MYH14: variants seen among roughly 807,000 people sequenced by gnomAD.
The protein encoded by MYH14 is myosin-14.
Under a neutral mutation model 255.5 loss-of-function variants are expected in MYH14, and 123 were observed. The ratio of observed to expected loss-of-function variants is 0.48; its 90% CI spans 0.42 to 0.56. MYH14 has a LOEUF of 0.56. Among genes scored for constraint, MYH14 ranks in the 20% least tolerant of loss-of-function variants. The pLI is 0.00. For missense variants in MYH14, 2,423 were observed against 2,802.3 expected (o/e 0.86, Z 3.06); for synonymous variants, 1,095 against 1,161.2 (o/e 0.94, Z 1.16).
At position 50,262,324 on chromosome 19, in the gene MYH14, A is replaced by G. The variant is rs2034913603; in HGVS notation, c.2585+689A>G. On this transcript the variant is annotated intron_variant, in intron 21 of 42. Transcript: ENST00000642316. The stretch of plus-strand genomic sequence containing the variant: ...TGTAATCCCAGCACATTGGGAGGCC[A>G]AGGCGGGCGGATCACTTGAGGTCAG... Among the ~76,000 whole-genome samples, 7 of 152,164 alleles carry G rather than the reference A, an allele frequency of 4.6e-5. No individual in the cohort carries two copies. In the South Asian group the frequency reaches 1.2e-3, roughly 27 times the overall value.
intron 10 of MYH14, among the ~76,000 whole-genome samples, chr19:50,237,418 C>T (rs570460798): frequency 2.0e-4 from 30 of 152,176 alleles, no homozygotes; most frequent in African/African-American, 5.5e-4. Context: ...TTCCACCTCC[C>T]GGGTTCAAAC....
chr19:50,310,119 G>T lies in MYH14; in HGVS notation c.*329G>T. The T allele has an allele frequency of 2.6e-6, 1 of 390,010 alleles. No homozygotes were observed. The highest frequency in any genetic ancestry group is 3.0e-5 in the South Asian group (1 of 32,984). 24.2% of individuals were successfully genotyped at this position (390,010 alleles called of 1,614,324 possible). ...TATTGATCTATAGACATTAGGAAGG[G>T]AGTGAGACGGCTCCTCCACCATCCT... On this transcript the variant is annotated 3_prime_UTR_variant, in exon 43 of 43. Transcript: ENST00000642316.
intron 2 of MYH14, among the ~76,000 whole-genome samples, chr19:50,211,787 T>C (rs895162255): frequency 6.7e-6 from 1 of 149,632 alleles, no homozygotes; most frequent in Non-Finnish European, 1.5e-5. Flanking sequence ...TTCGGGACCA[T>C]CCTGGGCATG....
chr19:50,273,768 A>C (rs1281492473), intron 27 of MYH14, among the ~76,000 whole-genome samples: 2 of 152,026 alleles, frequency 1.3e-5, no homozygotes, highest in African/African-American at 4.8e-5. Context: ...CAGCCTCCCA[A>C]GTAGCTGGGA....
intron 39 of MYH14, among the ~76,000 whole-genome samples, chr19:50,299,016 A>G (rs910558524): frequency 1.3e-5 from 2 of 151,582 alleles, no homozygotes; most frequent in South Asian, 2.1e-4. Flanking sequence ...GCTTGAGCCC[A>G]GGAGTTTGAT....
chr19:50,296,473 C>T (rs1003988019), intron 39 of MYH14, among the ~76,000 whole-genome samples: 5 of 151,968 alleles, frequency 3.3e-5, no homozygotes, highest in African/African-American at 7.3e-5. Context: ...GGTGCGATGG[C>T]GGGCACGCCT....
chr19:50,270,297 T>C (rs905564042), intron 24 of MYH14, among the ~76,000 whole-genome samples: 6 of 152,090 alleles, frequency 3.9e-5, no homozygotes, highest in Non-Finnish European at 7.4e-5. Flanking sequence ...GGTTGGTGGA[T>C]CACCTGAAGT....
Position 50,257,469 on chromosome 19 carries a change from C to T in MYH14, c.2215C>T (p.Pro739Ser). Residue 739 changes from proline (P) to serine (S), a missense_variant, in exon 18 of 43, where the codon CCC becomes TCC. Pro to Ser is a moderately conservative substitution (Grantham distance 74). Around this residue, in one of 3 missense-constraint regions of MYH14, gnomAD observed 672 missense variants for 881.8 expected, o/e 0.76. Transcript: ENST00000642316. ...TNPSFVRCIV[P>S]NHEKRAGKLE... ...CCCCAGTTTTGTCCGCTGCATTGTC[C>T]CCAACCACGAGAAGAGGGTGAGTGA... 1 of 1,603,236 alleles carries T rather than the reference C, an allele frequency of 6.2e-7. No homozygotes were observed. The highest frequency in any genetic ancestry group is 8.5e-7 in the Non-Finnish European group (1 of 1,174,606).
At position 50,236,566 on chromosome 19, in the gene MYH14, G is replaced by C. The variant is rs192289093; in HGVS notation, c.1114+4496G>C. 6.8e-4 allele frequency among the ~76,000 whole-genome samples: 103 copies of C among 151,982 alleles called. 1 individual carries two copies. Among genetic ancestry groups the C allele is most frequent in the Non-Finnish European group, 3.7e-4 (25 of 67,984 alleles). ...CTACTAAAAATACAAAAATTAGCTGGGCGTGGTGGCACATGCCTGTAATCC... is the reference window on the plus strand; with the variant it reads ...CTACTAAAAATACAAAAATTAGCTGCGCGTGGTGGCACATGCCTGTAATCC... On this transcript the variant is annotated intron_variant, in intron 10 of 42. Coordinates refer to ENST00000642316, the MANE Select transcript of MYH14 (RefSeq NM_001145809.2).
rs2123306669 is a variant in MYH14, at chr19:50,249,805, C to T, written c.1638C>T (p.Ile546=). The part of the protein sequence containing the change: ...LDFGLDLQPC[I]DLIERPANPP... ...TTGGCCTCGACCTGCAGCCCTGCAT[C>T]GACCTCATCGAGCGGCCGGTGAGCC... is the stretch of plus-strand genomic sequence containing the variant. Residue 546 remains isoleucine (I), a synonymous_variant, in exon 14 of 43, where the codon ATC becomes ATT. Transcript: ENST00000642316. The T allele has an allele frequency of 3.7e-6, 6 of 1,614,208 alleles. No homozygotes were observed. Among genetic ancestry groups the T allele is most frequent in the East Asian group, 2.2e-5 (1 of 44,882 alleles).
chr19:50,242,246 G>A (rs1324398951), intron 10 of MYH14, among the ~76,000 whole-genome samples: 1 of 152,106 alleles, frequency 6.6e-6, no homozygotes, highest in Non-Finnish European at 1.5e-5. Flanking sequence ...CAGCCTACTC[G>A]CCAAATCTAT....
chr19:50,255,102 C>A (rs2034542722), intron 16 of MYH14, 118 bp from the exon 17 acceptor site: 4 of 705,960 alleles, frequency 5.7e-6, no homozygotes, highest in East Asian at 2.7e-5. Context: ...TGACTAATAA[C>A]CCTCTCCTCT....
chr19:50,281,855 A>C lies in MYH14; in HGVS notation c.4539+13A>C, dbSNP rs757625665. 1 of 1,605,140 alleles carries C rather than the reference A, an allele frequency of 6.2e-7. No homozygotes were observed. ...CAAGTTTGACCAGGTGGGGCACCTCAGTTCACCCAGCCGGGGAATCAGCAA... is the reference window on the plus strand; with the variant it reads ...CAAGTTTGACCAGGTGGGGCACCTCCGTTCACCCAGCCGGGGAATCAGCAA... On this transcript the variant is annotated intron_variant, in intron 33 of 42. Transcript: ENST00000642316.
At position 50,266,794 on chromosome 19, in the gene MYH14, G is replaced by T; in HGVS notation, c.2695-83G>T. ...CTAATAGGTGGAGGAGAAGGGATTT[G>T]AACCCAGAAACTCAAACCCCACTAA... is the stretch of plus-strand genomic sequence containing the variant. On this transcript the variant is annotated intron_variant, in intron 22 of 42. Transcript: ENST00000642316. The surrounding 1 kb of genome is among the most constrained non-coding windows in gnomAD (Gnocchi z 4.1). 6.5e-7 allele frequency: 1 copy of T among 1,531,620 alleles called. No individual in the cohort carries two copies. Among genetic ancestry groups the T allele is most frequent in the Non-Finnish European group, 8.8e-7 (1 of 1,131,212 alleles). 94.9% of individuals were successfully genotyped at this position (1,531,620 alleles called of 1,614,324 possible). A position where few individuals can be genotyped will look rare whatever the true frequency, so the allele number is the denominator to read the frequency against.
At chr19:50,216,049 G>A (rs909249169) in intron 2 of MYH14, among the ~76,000 whole-genome samples, 2 of 152,194 alleles carry the variant, frequency 1.3e-5, no homozygotes, top group Admixed American at 6.5e-5. Context: ...AGATAGCTTG[G>A]CTAGTTAGCT....
At chr19:50,257,927 G>T (rs569516004) in intron 18 of MYH14, among the ~76,000 whole-genome samples, 1 of 152,262 alleles carries the variant, frequency 6.6e-6, no homozygotes, top group African/African-American at 2.4e-5. Flanking sequence ...ATTCCAGGCA[G>T]AGAAGAGTTT....
At chr19:50,268,689 CT>C (rs1362342057) in intron 24 of MYH14, among the ~76,000 whole-genome samples, 3 of 152,114 alleles carry the variant, frequency 2.0e-5, no homozygotes, top group Non-Finnish European at 4.4e-5. Context: ...TCAGGCATGG[CT>C]GGATCCAGGC....
At chr19:50,231,792 C>A in intron 9 of MYH14, 138 bp from the exon 10 acceptor site, 1 of 1,166,298 alleles carries the variant, frequency 8.6e-7, no homozygotes, top group Non-Finnish European at 1.2e-6. Flanking sequence ...CGACCCTTCC[C>A]ACCACACTTG....
intron 3 of MYH14, 75 bp from the exon 4 acceptor site, chr19:50,223,008 G>A (rs962142469): frequency 1.2e-5 from 16 of 1,374,442 alleles, no homozygotes; most frequent in East Asian, 2.3e-5. Flanking sequence ...AAAATGCAGC[G>A]GCCAGTGTAA....
Sources: gnomAD v4.1 joint callset for allele counts (sites outside exome capture counted in the v4.1 genomes callset) on GRCh38, gnomAD v4.1.1 for gene constraint, gnomAD v4.1.1 regional missense constraint, Gnocchi (gnomAD v3.1) non-coding constraint, MANE v1.5 for transcripts, NCBI Gene and HGNC (gene_info 2026-07-23, HGNC 2026-07-21) for gene names.